The following NDUFAF6 variants were observed in gnomAD, a reference collection of about 807,000 sequenced individuals.
The protein encoded by NDUFAF6 is NADH:ubiquinone oxidoreductase complex assembly factor 6, also known as NADH dehydrogenase (ubiquinone) complex I, assembly factor 6.
A neutral mutation model predicts 40.8 loss-of-function variants in NDUFAF6; 45 were observed. The observed-to-expected ratio is 1.10, with a 90% CI of 0.87 to 1.42. The LOEUF is 1.42. NDUFAF6 is among the 40% of genes most tolerant of loss of function. The pLI, the probability that NDUFAF6 is intolerant of heterozygous loss-of-function variation, is 0.00. For missense variants in NDUFAF6, 435 were observed against 418.5 expected, an observed-to-expected ratio of 1.04 and a Z score of -0.34; for synonymous variants, 185 against 155.9, an observed-to-expected ratio of 1.19 and a Z score of -1.39.
At chr8:94,941,448 C>G (rs1280325588) in intron 1 of NDUFAF6, among the ~76,000 whole-genome samples, 2 of 152,142 alleles carry the variant, frequency 1.3e-5, no homozygotes, top group African/African-American at 2.4e-5. Flanking sequence ...TTCAACTGCT[C>G]AGAAGTCCCA....
intron 9 of NDUFAF6, among the ~76,000 whole-genome samples, chr8:95,074,952 G>A (rs191334526): frequency 6.6e-6 from 1 of 152,114 alleles, no homozygotes; most frequent in Non-Finnish European, 1.5e-5. Context: ...AAGAAAGCAG[G>A]AATGATTATC....
intron 2 of NDUFAF6, among the ~76,000 whole-genome samples, chr8:94,952,232 C>G (rs531518248): frequency 6.6e-6 from 1 of 152,358 alleles, no homozygotes; most frequent in African/African-American, 2.4e-5. Context: ...CAACTAATGC[C>G]TCTGCCTCCT....
intron 1 of NDUFAF6, chr8:94,896,329 G>C (rs1363642127): frequency 6.7e-6 from 1 of 148,586 alleles, no homozygotes; most frequent in Non-Finnish European, 1.5e-5. Context: ...GCGGGAGGGC[G>C]CCGTTCGCGC....
At chr8:95,106,690 C>A (rs568261911), downstream of NDUFAF6, among the ~76,000 whole-genome samples, 21 of 152,278 alleles carry the variant, frequency 1.4e-4, no homozygotes. Flanking sequence ...TCAGAGTGAA[C>A]AGGCAACCTA....
At chr8:95,111,110 G>C (rs967329700) in intron 4 of NDUFAF6, among the ~76,000 whole-genome samples, 1 of 152,178 alleles carries the variant, frequency 6.6e-6, no homozygotes, top group African/African-American at 2.4e-5. Flanking sequence ...AGAGCAGCCA[G>C]GGGGTAGCCA....
chr8:94,977,522 T>TAAAA (rs748596014), intron 1 of NDUFAF6, among the ~76,000 whole-genome samples: 4 of 104,806 alleles, frequency 3.8e-5, no homozygotes, highest in African/African-American at 7.6e-5. Context: ...ACCCTGTCTC[T>TAAAA]AAAAAAAAAA....
At chr8:95,053,627 C>CTTTT (rs200115852) in intron 8 of NDUFAF6, among the ~76,000 whole-genome samples, 12 of 151,242 alleles carry the variant, frequency 7.9e-5, no homozygotes, top group African/African-American at 2.9e-4. Context: ...CTTTCTTTTT[C>CTTTT]TTTCTTTTTT....
At chr8:94,983,744 A>G (rs1825631041) in intron 2 of NDUFAF6, among the ~76,000 whole-genome samples, 1 of 152,232 alleles carries the variant, frequency 6.6e-6, no homozygotes. Flanking sequence ...TGAGTGGTAG[A>G]GCCAGGATTC....
chr8:94,949,546 C>G (rs1160488569), intron 2 of NDUFAF6: 1 of 152,060 alleles, frequency 6.6e-6, no homozygotes, highest in African/African-American at 2.4e-5. Context: ...AGCTCCGAAA[C>G]AAGCCCGGGC....
At chr8:95,053,925 CTTTTTTT>C (rs71273448) in intron 8 of NDUFAF6, among the ~76,000 whole-genome samples, 7 of 37,040 alleles carry the variant, frequency 1.9e-4, no homozygotes, top group Non-Finnish European at 2.0e-4. Flanking sequence ...CCGTGCCCGG[CTTTTTTT>C]TTTTTTTTTT....
intron 2 of NDUFAF6, among the ~76,000 whole-genome samples, chr8:95,092,511 TTG>T (rs1563864557): frequency 6.6e-6 from 1 of 151,864 alleles, no homozygotes; most frequent in African/African-American, 2.4e-5. Context: ...TCCACACTAA[TTG>T]TCTCCAGGCC....
chr8:94,937,799 T>C (rs1368837131), intron 1 of NDUFAF6, among the ~76,000 whole-genome samples: 2 of 152,172 alleles, frequency 1.3e-5, no homozygotes, highest in Non-Finnish European at 2.9e-5. Flanking sequence ...GACCCCATCT[T>C]GCAAAACTGG....
rs74657097 is a variant in NDUFAF6 at position 95,054,237 on chromosome 8, G to A, written c.873+2007G>A. Among the ~76,000 whole-genome samples, 843 of 151,730 alleles carry A rather than the reference G, an allele frequency of 5.6e-3. 4 individuals carry two copies. The highest frequency in any genetic ancestry group is 0.019 in the African/African-American group (797 of 41,374). ...ATTGGGATTACAGGCATAAAACACCGTGCCCAGCCCCCTTTAGTTTTAATT... is the reference window on the plus strand; with the variant it reads ...ATTGGGATTACAGGCATAAAACACCATGCCCAGCCCCCTTTAGTTTTAATT... On this transcript the variant is annotated intron_variant, in intron 8 of 8. Coordinates refer to ENST00000396124, the MANE Select transcript of NDUFAF6 (RefSeq NM_152416.4).
At chr8:95,073,620 A>T (rs373799856) in intron 9 of NDUFAF6, among the ~76,000 whole-genome samples, 1 of 152,084 alleles carries the variant, frequency 6.6e-6, no homozygotes, top group Admixed American at 6.5e-5. Flanking sequence ...GCCATGGCTC[A>T]TTCTAACACC....
chr8:94,939,792 G>C, intron 1 of NDUFAF6: 2 of 1,555,942 alleles, frequency 1.3e-6, no homozygotes, highest in Non-Finnish European at 1.7e-6. Context: ...ACTTAGCTTT[G>C]AATTACAGTA....
chr8:95,075,812 A>AAC, exon 10 of NDUFAF6: 1 of 652,026 alleles, frequency 1.5e-6, no homozygotes, highest in Non-Finnish European at 2.4e-6. Context: ...GCTTCACTCG[A>AAC]ACACGCACAC....
At chr8:95,032,331 G>A (rs904761134) in intron 2 of NDUFAF6, among the ~76,000 whole-genome samples, 3 of 152,104 alleles carry the variant, frequency 2.0e-5, no homozygotes, top group South Asian at 2.1e-4. Flanking sequence ...TTCTCTTCCC[G>A]AGGATATTAT....
downstream of NDUFAF6, among the ~76,000 whole-genome samples, chr8:95,062,136 G>A (rs1283432721): frequency 6.6e-6 from 1 of 151,560 alleles, no homozygotes; most frequent in Non-Finnish European, 1.5e-5. Context: ...ACTGCAGCCT[G>A]GGCGACAGAG....
chr8:95,039,143 ATT>A (rs1220481732), intron 3 of NDUFAF6, among the ~76,000 whole-genome samples: 1 of 145,326 alleles, frequency 6.9e-6, no homozygotes, highest in Non-Finnish European at 1.5e-5. Context: ...TGCCTGGCTA[ATT>A]TTTTTTTTTG....
Sources: allele counts gnomAD v4.1 joint callset (sites outside exome capture counted in the v4.1 genomes callset), GRCh38; gene constraint gnomAD v4.1.1; transcripts MANE v1.5; gene names NCBI Gene and HGNC (gene_info 2026-07-23, HGNC 2026-07-21).